The following SYT16 variants were observed in gnomAD, a reference collection of about 807,000 sequenced individuals.
SYT16 encodes synaptotagmin-16.
In SYT16, 42 loss-of-function variants were observed where a neutral mutation model predicts 61.4. That is an observed-to-expected ratio of 0.68 (90% CI 0.53 to 0.89). The LOEUF (loss-of-function observed/expected upper bound fraction) is 0.89. Ranked by LOEUF, SYT16 falls within the 40% of genes least tolerant of loss-of-function variation. The pLI is 0.00. For missense variants in SYT16, 804 were observed against 807.3 expected (o/e 1.00, Z 0.05); for synonymous variants, 314 against 302.3 (o/e 1.04, Z -0.40).
At chr14:61,865,309 G>A in intron 1 of SYT16, 1 of 732,494 alleles carries the variant, frequency 1.4e-6, no homozygotes, top group South Asian at 1.5e-5. Flanking sequence ...TGAACGCAGG[G>A]ATGCGGAGAG....
At position 61,912,631 on chromosome 14, in the gene SYT16, T is replaced by C. The variant is rs576413447; in HGVS notation, c.-324-57501T>C. On this transcript the variant is annotated intron_variant, in intron 1 of 7. Coordinates refer to ENST00000683842, the MANE Select transcript of SYT16 (RefSeq NM_001367656.1). ...CTACGAGGAGTCTATGTAACCTTGG[T>C]GTTCTCCTGAGAGAAGATGTATATT... Among the ~76,000 whole-genome samples, 4 of 152,336 alleles carry C rather than the reference T, an allele frequency of 2.6e-5. No homozygotes were observed. The East Asian group carries it at 7.7e-4, about 29-fold the overall frequency.
intron 1 of SYT16, among the ~76,000 whole-genome samples, chr14:61,837,441 G>A (rs2046167153): frequency 6.6e-6 from 1 of 151,536 alleles, no homozygotes; most frequent in African/African-American, 2.4e-5. Flanking sequence ...GTTTTGCTAT[G>A]TTGGCCAGGC....
At chr14:61,889,150 T>C (rs2048027020) in intron 1 of SYT16, among the ~76,000 whole-genome samples, 1 of 152,214 alleles carries the variant, frequency 6.6e-6, no homozygotes, top group South Asian at 2.1e-4. Flanking sequence ...GGAGAGAGCC[T>C]GGACTCAACT....
At chr14:61,967,985 G>A (rs1174317684) in intron 1 of SYT16, among the ~76,000 whole-genome samples, 1 of 152,106 alleles carries the variant, frequency 6.6e-6, no homozygotes, top group African/African-American at 2.4e-5. Context: ...ATGAGGCTGG[G>A]TGCGGTGGCT....
Position 62,054,508 on chromosome 14 carries a change from G to A in SYT16, c.524-15095G>A, listed in dbSNP as rs146659904. Among the ~76,000 whole-genome samples the A allele has an allele frequency of 1.5e-4, 23 of 151,934 alleles. No individual in the cohort carries two copies. In the East Asian group the frequency reaches 4.3e-3, roughly 28 times the overall value. On this transcript the variant is annotated intron_variant, in intron 3 of 7. Transcript: ENST00000683842. ...GACTAGTAGCTGGGACTACAGGTGC[G>A]TGCCACCACGCTCAGCTAATTTTTG...
intron 3 of SYT16, among the ~76,000 whole-genome samples, chr14:62,027,449 G>A (rs533683456): frequency 3.3e-5 from 5 of 152,300 alleles, no homozygotes; most frequent in Non-Finnish European, 5.9e-5. Context: ...GAAGGGATGG[G>A]TATAAGCAAA....
chr14:61,890,511 A>C (rs1041471772), intron 1 of SYT16, among the ~76,000 whole-genome samples: 44 of 152,152 alleles, frequency 2.9e-4, no homozygotes, highest in Admixed American at 5.9e-4. Context: ...AAAAAAAAAA[A>C]AACACTATAC....
intron 3 of SYT16, among the ~76,000 whole-genome samples, chr14:62,015,969 G>T (rs1406694470): frequency 6.6e-6 from 1 of 152,186 alleles, no homozygotes; most frequent in Non-Finnish European, 1.5e-5. Flanking sequence ...AGACATATGA[G>T]TCCTTCCCCC....
intron 7 of SYT16, among the ~76,000 whole-genome samples, chr14:62,088,469 G>A (rs1435439391): frequency 1.3e-5 from 2 of 152,158 alleles, no homozygotes; most frequent in African/African-American, 4.8e-5. Flanking sequence ...ATGAGGAAAT[G>A]TTCTGGGATG....
At chr14:61,902,393 G>A (rs1403648283) in intron 1 of SYT16, among the ~76,000 whole-genome samples, 1 of 152,204 alleles carries the variant, frequency 6.6e-6, no homozygotes, top group African/African-American at 2.4e-5. Context: ...CATTTCCTGT[G>A]GAAAGCCTTC....
At chr14:61,883,201 T>C (rs549434730) in intron 1 of SYT16, among the ~76,000 whole-genome samples, 1 of 152,346 alleles carries the variant, frequency 6.6e-6, no homozygotes, top group East Asian at 1.9e-4. Flanking sequence ...TGGTGATTAA[T>C]ATTTGGCTTC....
intron 1 of SYT16, among the ~76,000 whole-genome samples, chr14:61,882,472 A>G (rs867023667): frequency 6.6e-6 from 1 of 152,174 alleles, no homozygotes; most frequent in Non-Finnish European, 1.5e-5. Flanking sequence ...TGAGAACAGC[A>G]TGGGAGAAAC....
chr14:62,084,941 T>C (rs1166555401), intron 7 of SYT16, among the ~76,000 whole-genome samples: 4 of 152,246 alleles, frequency 2.6e-5, no homozygotes, highest in Admixed American at 2.0e-4. Flanking sequence ...ACATAGTGAA[T>C]GCACAAGAAA....
At chr14:61,886,869 T>G (rs893739268) in intron 1 of SYT16, among the ~76,000 whole-genome samples, 70 of 141,160 alleles carry the variant, frequency 5.0e-4, no homozygotes, top group African/African-American at 1.8e-3. Context: ...TTACGCTTAT[T>G]TTTTTTTTGT....
At chr14:62,089,122 A>G (rs1440800114) in intron 7 of SYT16, among the ~76,000 whole-genome samples, 2 of 152,102 alleles carry the variant, frequency 1.3e-5, no homozygotes, top group Non-Finnish European at 2.9e-5. Flanking sequence ...GTTTGAGACC[A>G]GCCTGGTCAA....
intron 1 of SYT16, among the ~76,000 whole-genome samples, chr14:61,828,567 A>C (rs117973595): frequency 3.0e-3 from 457 of 152,304 alleles, no homozygotes; most frequent in Non-Finnish European, 5.0e-3. Context: ...CAGTTGCTTT[A>C]TTTTAGCACT....
At chr14:62,062,947 T>A (rs2055891783) in intron 3 of SYT16, among the ~76,000 whole-genome samples, 2 of 152,296 alleles carry the variant, frequency 1.3e-5, no homozygotes, top group East Asian at 3.9e-4. Context: ...TCATTTATAA[T>A]TTTTTTCTCC....
chr14:61,908,481 G>A (rs956818675), intron 1 of SYT16, among the ~76,000 whole-genome samples: 1 of 151,982 alleles, frequency 6.6e-6, no homozygotes, highest in Non-Finnish European at 1.5e-5. Flanking sequence ...ATATCACGTC[G>A]GGAATAGGAA....
intron 3 of SYT16, among the ~76,000 whole-genome samples, chr14:62,037,302 T>C (rs1476027147): frequency 6.6e-6 from 1 of 152,156 alleles, no homozygotes; most frequent in Non-Finnish European, 1.5e-5. Context: ...TACTCTGTCA[T>C]CTCCAGACTC....
Sources: gnomAD v4.1 joint callset for allele counts (sites outside exome capture counted in the v4.1 genomes callset) on GRCh38, gnomAD v4.1.1 for gene constraint, MANE v1.5 for transcripts, NCBI Gene and HGNC (gene_info 2026-07-23, HGNC 2026-07-21) for gene names.